Variants in MCUB observed in about 807,000 individuals in gnomAD.
MCUB encodes the protein mitochondrial calcium uniporter dominant negative subunit beta, also known as calcium uniporter regulatory subunit MCUb, mitochondrial.
In MCUB, 46 loss-of-function variants were observed where a neutral mutation model predicts 41.4. The observed-to-expected ratio is 1.11, with a 90% CI of 0.88 to 1.42. MCUB has a LOEUF of 1.42. Among genes scored for constraint, MCUB ranks in the 40% most tolerant of loss-of-function variants. The pLI, the probability that MCUB is intolerant of heterozygous loss-of-function variation, is 0.00. For synonymous variants in MCUB, 148 were observed against 148.2 expected, an observed-to-expected ratio of 1.00 and a Z score of 0.01; for missense variants, 403 against 404.9, an observed-to-expected ratio of 1.00 and a Z score of 0.04.
In MCUB at chr4:109,562,430, A is replaced by G. The variant is rs1579038581; in HGVS notation, c.99+1994A>G. ...AGCTTTTACATTTTACCATGAGTAA[A>G]CCGATAAAAATATTCTGGCTCTTGA... On this transcript the variant is annotated intron_variant, in intron 1 of 7. Transcript: ENST00000394650. Among the ~76,000 whole-genome samples, 3 of 152,196 alleles carry G rather than the reference A, an allele frequency of 2.0e-5. No individual in the cohort carries two copies. The East Asian group carries it at 5.8e-4, about 29-fold the overall frequency.
chr4:109,684,117 CAGTGG>C lies in MCUB; in HGVS notation c.613-321_613-317del, dbSNP rs1215090017. Among the ~76,000 whole-genome samples the C allele has an allele frequency of 2.0e-4, 29 of 142,936 alleles. 1 individual carries two copies. The highest frequency in any genetic ancestry group is 2.0e-3 in the Admixed American group (29 of 14,712). 93.8% of individuals were successfully genotyped at this position (142,936 alleles called of 152,430 possible). On this transcript the variant is annotated intron_variant, in intron 5 of 7. Coordinates refer to ENST00000394650, the MANE Select transcript of MCUB (RefSeq NM_017918.5). ...TTGCACTGTCGCCCAGGCTGGAGTG[CAGTGG>C]AGTGATCTTGGCTCACTGCAAGCTC... is the stretch of plus-strand genomic sequence containing the variant.
intron 1 of MCUB, among the ~76,000 whole-genome samples, chr4:109,566,005 G>A (rs1206380733): frequency 6.6e-6 from 1 of 151,502 alleles, no homozygotes; most frequent in African/African-American, 2.4e-5. Flanking sequence ...ACCATGCCTG[G>A]CTAATTTTTT....
chr4:109,675,431 T>C (rs1408101101), intron 4 of MCUB, among the ~76,000 whole-genome samples: 1 of 152,240 alleles, frequency 6.6e-6, no homozygotes, highest in Non-Finnish European at 1.5e-5. Context: ...CTAAGAGAGT[T>C]GAACCAACAT....
intron 2 of MCUB, among the ~76,000 whole-genome samples, chr4:109,659,952 C>T (rs889584225): frequency 2.6e-5 from 4 of 152,142 alleles, no homozygotes; most frequent in South Asian, 2.1e-4. Flanking sequence ...GCCACCATGC[C>T]GGCCACCTGG....
At chr4:109,600,586 C>G (rs568381521) in intron 1 of MCUB, among the ~76,000 whole-genome samples, 3 of 152,106 alleles carry the variant, frequency 2.0e-5, no homozygotes, top group Non-Finnish European at 4.4e-5. Flanking sequence ...GGGGTTAGCT[C>G]TTTGGGAATG....
At chr4:109,625,175 A>T (rs1406841791) in intron 1 of MCUB, among the ~76,000 whole-genome samples, 1 of 152,076 alleles carries the variant, frequency 6.6e-6, no homozygotes, top group Admixed American at 6.6e-5. Context: ...AAATTAAAAA[A>T]ACTTGATGTC....
chr4:109,679,860 G>A (rs1729677583), intron 4 of MCUB, among the ~76,000 whole-genome samples: 1 of 152,112 alleles, frequency 6.6e-6, no homozygotes, highest in African/African-American at 2.4e-5. Context: ...GGAGTGCAGT[G>A]GTGCAATCTC....
intron 4 of MCUB, among the ~76,000 whole-genome samples, chr4:109,668,874 A>G (rs563313507): frequency 1.4e-3 from 207 of 152,166 alleles, no homozygotes; most frequent in African/African-American, 4.9e-3. Context: ...TCCACTTTCA[A>G]ATAACATTAT....
At chr4:109,680,649 A>G (rs1468471087) in intron 4 of MCUB, among the ~76,000 whole-genome samples, 1 of 152,180 alleles carries the variant, frequency 6.6e-6, no homozygotes, top group Non-Finnish European at 1.5e-5. Flanking sequence ...TGTGGCAGCT[A>G]TAGCCTAGAC....
intron 1 of MCUB, among the ~76,000 whole-genome samples, chr4:109,623,908 G>A (rs1392446185): frequency 6.6e-6 from 1 of 152,082 alleles, no homozygotes; most frequent in South Asian, 2.1e-4. Context: ...GGAGTGCAAT[G>A]GTGTGATCAT....
At chr4:109,601,138 G>A (rs1727723682) in intron 1 of MCUB, among the ~76,000 whole-genome samples, 1 of 152,014 alleles carries the variant, frequency 6.6e-6, no homozygotes, top group Admixed American at 6.6e-5. Flanking sequence ...ATTTTTGTGG[G>A]TAAATAGTAG....
At chr4:109,631,360 C>T (rs1342318620) in intron 1 of MCUB, among the ~76,000 whole-genome samples, 1 of 152,088 alleles carries the variant, frequency 6.6e-6, no homozygotes, top group Non-Finnish European at 1.5e-5. Flanking sequence ...ACTATCACAC[C>T]TCTTTTATTT....
In MCUB at chr4:109,593,136, G is replaced by A. The variant is rs552381295; in HGVS notation, c.99+32700G>A. Among the ~76,000 whole-genome samples, 12 of 152,288 alleles carry A rather than the reference G, an allele frequency of 7.9e-5. No individual in the cohort carries two copies. The Middle Eastern group carries it at 0.017, about 216-fold the overall frequency. On this transcript the variant is annotated intron_variant, in intron 1 of 7. Coordinates refer to ENST00000394650, the MANE Select transcript of MCUB (RefSeq NM_017918.5). ...AAATATAAATGCGTGCATCTTTCTC[G>A]TGTGTTAGCAGGGATGGGATGTAGT...
chr4:109,617,435 C>T (rs1042679348), intron 1 of MCUB, among the ~76,000 whole-genome samples: 1 of 152,132 alleles, frequency 6.6e-6, no homozygotes, highest in Non-Finnish European at 1.5e-5. Context: ...GAGGGAGGAC[C>T]ATGGCTGGGT....
intron 1 of MCUB, 59 bp downstream of exon 1, chr4:109,560,495 G>T (rs1248420095): frequency 2.4e-6 from 2 of 828,010 alleles, no homozygotes; most frequent in African/African-American, 3.5e-5. Flanking sequence ...GTTTGCGTTG[G>T]ACAACTTTGG....
At position 109,560,428 on chromosome 4, in the gene MCUB, C is replaced by A; in HGVS notation, c.91C>A (p.Pro31Thr). Reference sequence around the variant, plus strand: ...AGCGCGCCCGTGGCCGCTGCCGCCTCCGCCCCAGGTAAGAGCGGGTGCCGG... The same window carrying A: ...AGCGCGCCCGTGGCCGCTGCCGCCTACGCCCCAGGTAAGAGCGGGTGCCGG... ...RPARPWPLPPPPQVLRVKLCG... is the reference protein window; with the variant it reads ...RPARPWPLPPTPQVLRVKLCG... The change falls in exon 1 of 8, where the codon CCG becomes ACG. Residue 31 changes from proline (P) to threonine (T), a missense_variant. By Grantham distance (38) the Pro-to-Thr change is conservative (BLOSUM62 -1). Transcript: ENST00000394650. 7.7e-7 allele frequency: 1 copy of A among 1,291,030 alleles called. No individual in the cohort carries two copies. The highest frequency in any genetic ancestry group is 9.8e-7 in the Non-Finnish European group (1 of 1,019,578). 80.0% of individuals were successfully genotyped at this position (1,291,030 alleles called of 1,614,324 possible). A position where few individuals can be genotyped will look rare whatever the true frequency, so the allele number is the denominator to read the frequency against.
At chr4:109,657,869 T>C (rs955344616) in intron 1 of MCUB, among the ~76,000 whole-genome samples, 13 of 152,382 alleles carry the variant, frequency 8.5e-5, no homozygotes, top group South Asian at 2.1e-4. Context: ...TCTGTGATGA[T>C]AGAAATATGC....
intron 1 of MCUB, among the ~76,000 whole-genome samples, chr4:109,592,343 G>A (rs961048869): frequency 6.6e-6 from 1 of 151,938 alleles, no homozygotes; most frequent in Non-Finnish European, 1.5e-5. Context: ...CCGGGAGGTG[G>A]AGGTTGCAGT....
At chr4:109,673,743 C>A in intron 4 of MCUB, 1 of 531,460 alleles carries the variant, frequency 1.9e-6, no homozygotes, top group Admixed American at 3.4e-5. Context: ...AAGGAAGACA[C>A]ATAAATGAGA....
Sources: allele counts gnomAD v4.1 joint callset (sites outside exome capture counted in the v4.1 genomes callset), GRCh38; gene constraint gnomAD v4.1.1; transcripts MANE v1.5; gene names NCBI Gene and HGNC (gene_info 2026-07-23, HGNC 2026-07-21).